FARS2: variants seen among roughly 807,000 people sequenced by gnomAD.
The protein encoded by FARS2 is phenylalanine--tRNA ligase, mitochondrial.
Under a neutral mutation model 46.4 loss-of-function variants are expected in FARS2, and 40 were observed. That is an observed-to-expected ratio of 0.86 (90% confidence interval 0.67 to 1.12). The LOEUF is 1.12. Ranked by LOEUF, FARS2 falls within the 50% of genes most tolerant of loss-of-function variation. The pLI is 0.00. For synonymous variants in FARS2, 234 were observed against 214.9 expected (o/e 1.09, Z -0.78); for missense variants, 513 against 567.9 (o/e 0.90, Z 0.98).
intron 1 of FARS2, among the ~76,000 whole-genome samples, chr6:5,333,850 C>T (rs749808804): frequency 2.6e-5 from 4 of 152,182 alleles, no homozygotes; most frequent in Non-Finnish European, 5.9e-5. Flanking sequence ...CCATCTACTG[C>T]ATCATCCCTG....
At chr6:5,500,142 T>A (rs1388703991) in intron 4 of FARS2, among the ~76,000 whole-genome samples, 1 of 152,216 alleles carries the variant, frequency 6.6e-6, no homozygotes, top group East Asian at 1.9e-4. Flanking sequence ...GTCTATTGGG[T>A]ATCTGATCCT....
intron 3 of FARS2, among the ~76,000 whole-genome samples, chr6:5,428,768 G>A (rs74566931): frequency 1.4e-3 from 215 of 152,266 alleles, no homozygotes; most frequent in Middle Eastern, 6.8e-3. Context: ...ATAAGCAGTG[G>A]CTCTGCGTGT....
At chr6:5,672,852 T>G (rs1281838023) in intron 6 of FARS2, among the ~76,000 whole-genome samples, 1 of 152,166 alleles carries the variant, frequency 6.6e-6, no homozygotes, top group East Asian at 1.9e-4. Context: ...GACACTGTAT[T>G]TTGCCTTTGG....
chr6:5,350,448 G>A (rs1375436683), intron 1 of FARS2, among the ~76,000 whole-genome samples: 2 of 152,124 alleles, frequency 1.3e-5, no homozygotes. Flanking sequence ...CGATAGTAAC[G>A]AAGGCACTGT....
chr6:5,261,566 G>GTTGGGGTT lies in FARS2; in HGVS notation c.-114_-107dup. 1 of 152,516 alleles carries GTTGGGGTT rather than the reference G, an allele frequency of 6.6e-6. No individual in the cohort carries two copies. The highest frequency in any genetic ancestry group is 2.1e-4 in the South Asian group (1 of 4,844). The allele number at this position is 152,516 out of a possible 1,614,324, so 9.4% of individuals were successfully genotyped here. A position where few individuals can be genotyped will look rare whatever the true frequency, so the allele number is the denominator to read the frequency against. ...CCCAGCGTGCGCGGGTATCTCTGAA[G>GTTGGGGTT]TTGGGGTTTAAGATTCTTGCCCGTG... On this transcript the variant is annotated 5_prime_UTR_variant, in exon 1 of 7. Coordinates refer to ENST00000274680, the MANE Select transcript of FARS2 (RefSeq NM_006567.5).
chr6:5,351,163 C>A (rs538408945), intron 1 of FARS2, among the ~76,000 whole-genome samples: 10 of 152,274 alleles, frequency 6.6e-5, no homozygotes, highest in South Asian at 2.1e-4. Context: ...CTGTCTCCAC[C>A]AGCCTGTGAA....
Position 5,717,908 on chromosome 6 carries a change from CTATATA to C in FARS2, c.1218-53360_1218-53355del, listed in dbSNP as rs58922507. 4.8e-3 allele frequency among the ~76,000 whole-genome samples: 371 copies of C among 77,718 alleles called. 14 individuals carry two copies. Among genetic ancestry groups the C allele is most frequent in the African/African-American group, 0.014 (348 of 24,074 alleles). 51.0% of individuals were successfully genotyped at this position (77,718 alleles called of 152,430 possible). Reference sequence around the variant, plus strand: ...AGGCATGAAAATGAGAAGGTATCAGCTATATATATATATATATATATATATATACAG... The same window carrying C: ...AGGCATGAAAATGAGAAGGTATCAGCTATATATATATATATATATATACAG... On this transcript the variant is annotated intron_variant, in intron 6 of 6. Coordinates refer to ENST00000274680, the MANE Select transcript of FARS2 (RefSeq NM_006567.5).
upstream of FARS2, chr6:5,260,598 T>TGCCCCGGCCCCCGGGCCCCCCCC: frequency 1.8e-6 from 2 of 1,105,570 alleles, no homozygotes; most frequent in Non-Finnish European, 2.6e-6. Context: ...GCACCCCCGG[T>TGCCCCGGCCCCCGGGCCCCCCCC]CCCCGGCCCC....
chr6:5,600,092 A>G (rs1005670369), intron 5 of FARS2, among the ~76,000 whole-genome samples: 2 of 152,220 alleles, frequency 1.3e-5, no homozygotes, highest in Non-Finnish European at 2.9e-5. Flanking sequence ...TAAGGCAAAT[A>G]TGAAAGGATT....
At chr6:5,463,399 A>G (rs973775820) in intron 4 of FARS2, among the ~76,000 whole-genome samples, 3 of 152,150 alleles carry the variant, frequency 2.0e-5, no homozygotes, top group African/African-American at 4.8e-5. Flanking sequence ...GAAACCTCAC[A>G]TTGTGTACCT....
At chr6:5,610,794 G>A (rs1164838955) in intron 5 of FARS2, among the ~76,000 whole-genome samples, 1 of 152,218 alleles carries the variant, frequency 6.6e-6, no homozygotes, top group African/African-American at 2.4e-5. Context: ...GGGTTATCAA[G>A]TGCCCACCAG....
rs1232483392 is a variant in FARS2, at chr6:5,369,162, C to T, written c.592C>T (p.Arg198Trp). 6.2e-6 allele frequency: 10 copies of T among 1,607,814 alleles called. No individual in the cohort carries two copies. Among genetic ancestry groups the T allele is most frequent in the South Asian group, 1.1e-5 (1 of 91,042 alleles). ...YPIFHQLEAV[R>W]LFSKHELFAG... Reference sequence around the variant, plus strand: ...TATTTTCCACCAGCTGGAGGCCGTGCGGCTCTTCTCCAAGCATGAGGTGAG... The same window carrying T: ...TATTTTCCACCAGCTGGAGGCCGTGTGGCTCTTCTCCAAGCATGAGGTGAG... The change falls in exon 2 of 7, where the codon CGG becomes TGG. Residue 198 changes from arginine (R) to tryptophan (W), a missense_variant. Coordinates refer to ENST00000274680, the MANE Select transcript of FARS2 (RefSeq NM_006567.5).
At chr6:5,316,047 C>T (rs1466107573) in intron 1 of FARS2, among the ~76,000 whole-genome samples, 1 of 152,172 alleles carries the variant, frequency 6.6e-6, no homozygotes, top group Non-Finnish European at 1.5e-5. Context: ...TAACTGGCAG[C>T]CTGAACTGAC....
chr6:5,664,944 T>G (rs778557952), intron 6 of FARS2: 6 of 152,242 alleles, frequency 3.9e-5, no homozygotes, highest in Non-Finnish European at 7.3e-5. Flanking sequence ...TCATATACAG[T>G]GATGCTGAGG....
chr6:5,409,565 C>T (rs959668994), intron 3 of FARS2, among the ~76,000 whole-genome samples: 1 of 152,148 alleles, frequency 6.6e-6, no homozygotes, highest in South Asian at 2.1e-4. Flanking sequence ...TGGTAGTCAG[C>T]TTTTATTACA....
chr6:5,542,472 C>T (rs1770696570), intron 4 of FARS2, among the ~76,000 whole-genome samples: 1 of 152,090 alleles, frequency 6.6e-6, no homozygotes, highest in African/African-American at 2.4e-5. Context: ...CTGTTTAATT[C>T]AGGGTTTCTC....
rs1026805487 is a variant in FARS2, at chr6:5,762,100, G to A, written c.1218-9191G>A. On this transcript the variant is annotated intron_variant, in intron 6 of 6. Transcript: ENST00000274680. ...ATATCAGTGATCCATCTGTACAGAC[G>A]AGGAAGTTGAGGCTCAGATAATTTG... 2.6e-5 allele frequency among the ~76,000 whole-genome samples: 4 copies of A among 152,196 alleles called. No homozygotes were observed. The East Asian group carries it at 5.8e-4, about 22-fold the overall frequency.
rs75578444 is a variant in FARS2 at position 5,323,618 on chromosome 6, C to T, written c.-21-44932C>T. ...TCCAGAATCTTACCAAGATTTCTACCACCAACTGAGAGGACAGAATAGAAT... is the reference window on the plus strand; with the variant it reads ...TCCAGAATCTTACCAAGATTTCTACTACCAACTGAGAGGACAGAATAGAAT... On this transcript the variant is annotated intron_variant, in intron 1 of 6. Coordinates refer to ENST00000274680, the MANE Select transcript of FARS2 (RefSeq NM_006567.5). Among the ~76,000 whole-genome samples the T allele has an allele frequency of 5.5e-3, 841 of 152,218 alleles. 9 individuals are homozygous for T. The highest frequency in any genetic ancestry group is 0.019 in the African/African-American group (803 of 41,530).
At chr6:5,402,734 C>CT (rs1761334275) in intron 2 of FARS2, among the ~76,000 whole-genome samples, 1 of 152,098 alleles carries the variant, frequency 6.6e-6, no homozygotes, top group Non-Finnish European at 1.5e-5. Context: ...TGTATTAACT[C>CT]CTTTTTCTTT....
Sources: allele counts gnomAD v4.1 joint callset (sites outside exome capture counted in the v4.1 genomes callset), GRCh38; gene constraint gnomAD v4.1.1; transcripts MANE v1.5; gene names NCBI Gene and HGNC (gene_info 2026-07-23, HGNC 2026-07-21).